TAF1: variants seen among roughly 807,000 people sequenced by gnomAD.
TAF1 encodes transcription initiation factor TFIID subunit 1.
Under a neutral mutation model 138.5 loss-of-function variants are expected in TAF1, and 2 were observed. The observed-to-expected ratio is 0.01, with a 90% CI of 0.01 to 0.05. The LOEUF (loss-of-function observed/expected upper bound fraction) is 0.05, where lower values mean the gene tolerates loss of function less well. Ranked by LOEUF, TAF1 falls within the 10% of genes least tolerant of loss-of-function variation. TAF1 has a pLI of 1.00. For synonymous variants in TAF1, 437 were observed against 503.2 expected, an observed-to-expected ratio of 0.87 and a Z score of 1.76; for missense variants, 709 against 1,478.0, an observed-to-expected ratio of 0.48 and a Z score of 8.53.
chrX:71,491,646 CCTTTTCTAACATT>C (rs2039285855), intron 13 of TAF1: 2 of 108,992 alleles, frequency 1.8e-5, no homozygotes, highest in South Asian at 8.0e-4. Context: ...AGGAATGGCT[CCTTTTCTAACATT>C]CTTTTTTTTT....
intron 32 of TAF1, among the ~76,000 whole-genome samples, chrX:71,440,065 C>G (rs1168991080): frequency 9.0e-6 from 1 of 111,483 alleles, no homozygotes; most frequent in Non-Finnish European, 1.9e-5. Flanking sequence ...AAGGAACTCC[C>G]TGTTCTTTGT....
intron 13 of TAF1, among the ~76,000 whole-genome samples, chrX:71,510,879 G>A (rs1228935289): frequency 9.0e-6 from 1 of 111,663 alleles, no homozygotes; most frequent in African/African-American, 3.3e-5. Flanking sequence ...TGAGGCTGGT[G>A]GATCACCTGA....
intron 13 of TAF1, among the ~76,000 whole-genome samples, chrX:71,483,146 C>CTT (rs2039100587): frequency 1.2e-5 from 1 of 84,560 alleles, no homozygotes; most frequent in African/African-American, 4.3e-5. Flanking sequence ...TTTTTTTTTT[C>CTT]TTTTCTTTTT....
At chrX:71,411,609 C>T (rs2035793370) in intron 28 of TAF1, among the ~76,000 whole-genome samples, 1 of 112,777 alleles carries the variant, frequency 8.9e-6, no homozygotes, top group African/African-American at 3.2e-5. Flanking sequence ...GCCTCACAAC[C>T]CTGCACTTGT....
rs768862963 is a variant in TAF1, at chrX:71,401,590, T to C, written c.3849T>C (p.Tyr1283=). The change falls in exon 25 of 38, where the codon TAT becomes TAC. Residue 1283 remains tyrosine, a synonymous_variant. Coordinates refer to ENST00000423759, the MANE Select transcript of TAF1 (RefSeq NM_004606.5). ...HMRTNKFCPL[Y]YQTNAPPSNP... ...GGACTAACAAATTCTGCCCCCTCTA[T>C]TATCAAACAAATGCGCCACCTTCCA... 32 of 1,210,168 alleles carry C rather than the reference T, an allele frequency of 2.6e-5. No individual in the cohort carries two copies. Among genetic ancestry groups the C allele is most frequent in the Non-Finnish European group, 3.5e-5 (31 of 895,386 alleles).
At chrX:71,377,872 T>G in intron 6 of TAF1, 51 bp downstream of exon 6, 2 of 1,049,134 alleles carry the variant, frequency 1.9e-6, no homozygotes, top group Non-Finnish European at 2.6e-6. Flanking sequence ...AACAAATGAA[T>G]TCAATGAGTT....
chrX:71,473,319 A>G (rs907971411), intron 13 of TAF1, among the ~76,000 whole-genome samples: 38 of 110,255 alleles, frequency 3.4e-4, no homozygotes, highest in African/African-American at 1.2e-3. Flanking sequence ...AATGGATAAC[A>G]GGGGGTTGGC....
chrX:71,473,859 C>T (rs114042569), intron 13 of TAF1, among the ~76,000 whole-genome samples: 3,845 of 110,653 alleles, frequency 0.035, 172 homozygotes, highest in African/African-American at 0.12. Context: ...TGAAACAGGT[C>T]CTCTGGCTGG....
At chrX:71,470,451 C>G (rs763298429), downstream of TAF1, among the ~76,000 whole-genome samples, 1 of 109,051 alleles carries the variant, frequency 9.2e-6, no homozygotes, top group South Asian at 4.0e-4. Flanking sequence ...CTGTGTTAGC[C>G]AGGATGGTCT....
chrX:71,379,931 A>G (rs1399098529), intron 8 of TAF1, among the ~76,000 whole-genome samples: 4 of 111,511 alleles, frequency 3.6e-5, no homozygotes, highest in African/African-American at 1.3e-4. Context: ...GAACTATAAC[A>G]GTACTTTATA....
At chrX:71,527,635 A>G (rs1457949933) in intron 13 of TAF1, among the ~76,000 whole-genome samples, 2 of 111,552 alleles carry the variant, frequency 1.8e-5, no homozygotes, top group African/African-American at 6.5e-5. Flanking sequence ...TAAAGGACCA[A>G]AATAAACTCA....
intron 13 of TAF1, among the ~76,000 whole-genome samples, chrX:71,474,477 T>C (rs901984523): frequency 5.4e-5 from 6 of 110,807 alleles, no homozygotes; most frequent in Non-Finnish European, 9.4e-5. Flanking sequence ...GTTTAGGAGG[T>C]AGACTCAACT....
intron 32 of TAF1, among the ~76,000 whole-genome samples, chrX:71,453,381 A>AG (rs2038132729): frequency 1.2e-5 from 1 of 80,046 alleles, no homozygotes; most frequent in African/African-American, 5.1e-5. Flanking sequence ...CAACATAGTG[A>AG]GACCCCCCCC....
At chrX:71,517,523 T>C (rs187847439) in intron 13 of TAF1, among the ~76,000 whole-genome samples, 1 of 111,831 alleles carries the variant, frequency 8.9e-6, no homozygotes, top group East Asian at 2.8e-4. Flanking sequence ...ACAAGGAATA[T>C]GTGTGGCTTC....
chrX:71,401,405 T>G (rs1317823032), intron 24 of TAF1, 123 bp from the exon 25 acceptor site: 39 of 859,445 alleles, frequency 4.5e-5, no homozygotes, highest in Non-Finnish European at 5.9e-5. Context: ...TTTGGTATAC[T>G]TGGGGGTCCT....
chrX:71,504,741 C>CAAAAAAAA (rs41370846), intron 13 of TAF1, among the ~76,000 whole-genome samples: 12 of 5,702 alleles, frequency 2.1e-3, no homozygotes, highest in African/African-American at 3.2e-3. Flanking sequence ...GACCCTGTCT[C>CAAAAAAAA]AAAAAAAAAA....
exon 15 of TAF1, chrX:71,529,812 T>TCCTTAGTTTGTAAG (rs2040070220): frequency 3.1e-6 from 1 of 322,309 alleles, no homozygotes. Flanking sequence ...GATACGTGTC[T>TCCTTAGTTTGTAAG]CCTTAGTTTG....
chrX:71,384,863 C>T (rs1318719779), intron 13 of TAF1, 82 bp from the exon 14 acceptor site: 3 of 706,948 alleles, frequency 4.2e-6, no homozygotes, highest in South Asian at 3.2e-5. Flanking sequence ...GATACTCAAC[C>T]TGTATTAGTA....
intron 13 of TAF1, among the ~76,000 whole-genome samples, chrX:71,485,852 A>C (rs2039160357): frequency 9.0e-6 from 1 of 111,481 alleles, no homozygotes; most frequent in South Asian, 3.7e-4. Flanking sequence ...AATTTTGATG[A>C]AGTTCAATTG....
Sources: allele counts gnomAD v4.1 joint callset (sites outside exome capture counted in the v4.1 genomes callset), GRCh38; gene constraint gnomAD v4.1.1; transcripts MANE v1.5; gene names NCBI Gene and HGNC (gene_info 2026-07-23, HGNC 2026-07-21).